The following RBFOX1 variants were observed in gnomAD, a reference collection of about 807,000 sequenced individuals.
The protein encoded by RBFOX1 is RNA binding protein fox-1 homolog 1.
Under a neutral mutation model 57.7 loss-of-function variants are expected in RBFOX1, and 8 were observed. The observed-to-expected ratio is 0.14, with a 90% CI of 0.08 to 0.25. The LOEUF is 0.25. Ranked by LOEUF, RBFOX1 falls within the 10% of genes least tolerant of loss-of-function variation. The pLI, the probability that RBFOX1 is intolerant of heterozygous loss-of-function variation, is 1.00. For synonymous variants in RBFOX1, 326 were observed against 222.4 expected, an observed-to-expected ratio of 1.47 and a Z score of -4.15; for missense variants, 611 against 548.5, an observed-to-expected ratio of 1.11 and a Z score of -1.14.
intron 3 of RBFOX1, among the ~76,000 whole-genome samples, chr16:6,780,073 T>TTATATATTTATTTATATTTA (rs1218081039): frequency 1.3e-4 from 1 of 7,754 alleles, no homozygotes. Flanking sequence ...TTATATATAT[T>TTATATATTTATTTATATTTA]TACATATTTA....
intron 11 of RBFOX1, among the ~76,000 whole-genome samples, chr16:7,649,734 T>G (rs1456629815): frequency 6.6e-6 from 1 of 152,180 alleles, no homozygotes; most frequent in South Asian, 2.1e-4. Context: ...TACCAGTTAC[T>G]CATCCTAACT....
chr16:7,040,162 A>T lies in RBFOX1; in HGVS notation c.-15-11895A>T, dbSNP rs1232679155. On this transcript the variant is annotated intron_variant, in intron 3 of 15. Coordinates refer to ENST00000550418, the MANE Select transcript of RBFOX1 (RefSeq NM_018723.4). Reference sequence around the variant, plus strand: ...CAGCCTCCCGAGTAGCTGGGACTACAGGTGCCCGCCACCATGCTAGCTAGT... The same window carrying T: ...CAGCCTCCCGAGTAGCTGGGACTACTGGTGCCCGCCACCATGCTAGCTAGT... 2.6e-5 allele frequency among the ~76,000 whole-genome samples: 4 copies of T among 152,132 alleles called. No individual in the cohort carries two copies. In the East Asian group the frequency reaches 7.8e-4, roughly 29 times the overall value.
At position 7,456,392 on chromosome 16, in the gene RBFOX1, A is replaced by G. The variant is rs150222474; in HGVS notation, c.28-61755A>G. 2.6e-5 allele frequency among the ~76,000 whole-genome samples: 4 copies of G among 152,206 alleles called. No homozygotes were observed. The East Asian group carries it at 7.7e-4, about 29-fold the overall frequency. The stretch of plus-strand genomic sequence containing the variant: ...AGTACATCTGCTATGTTGATATATC[A>G]CTTGTTTTATGGGCCGGGATTAATT... On this transcript the variant is annotated intron_variant, in intron 4 of 15. Coordinates refer to ENST00000550418, the MANE Select transcript of RBFOX1 (RefSeq NM_018723.4).
intron 4 of RBFOX1, among the ~76,000 whole-genome samples, chr16:7,515,161 A>G (rs569733481): frequency 1.2e-3 from 179 of 152,236 alleles, no homozygotes; most frequent in Non-Finnish European, 2.4e-3. Flanking sequence ...CATCACCCAT[A>G]GAGAAGTGGC....
intron 3 of RBFOX1, among the ~76,000 whole-genome samples, chr16:7,003,732 A>G (rs1044306287): frequency 2.0e-5 from 3 of 152,116 alleles, no homozygotes; most frequent in African/African-American, 7.2e-5. Context: ...TTAAGTTAGT[A>G]TGTATTAGAA....
intron 4 of RBFOX1, among the ~76,000 whole-genome samples, chr16:5,962,505 A>T (rs948881538): frequency 6.6e-6 from 1 of 152,026 alleles, no homozygotes. Context: ...TTCACTTCAC[A>T]TCATCCTCTC....
Position 6,935,308 on chromosome 16 carries a change from C to A in RBFOX1, c.-15-116749C>A, listed in dbSNP as rs114640211. ...GAGTGGTAGTTTCAGACGATCTCTC[C>A]AAGTCTTTGATAGTTTCCCTTCATA... On this transcript the variant is annotated intron_variant, in intron 3 of 15. Transcript: ENST00000550418. Among the ~76,000 whole-genome samples, 18 of 152,184 alleles carry A rather than the reference C, an allele frequency of 1.2e-4. No individual in the cohort carries two copies. The East Asian group carries it at 3.5e-3, about 29-fold the overall frequency.
At chr16:6,789,635 C>T (rs1445999675) in intron 3 of RBFOX1, among the ~76,000 whole-genome samples, 1 of 152,150 alleles carries the variant, frequency 6.6e-6, no homozygotes, top group Non-Finnish European at 1.5e-5. Context: ...GGCATTTTTA[C>T]ATTTGTGTGC....
At chr16:6,418,968 G>A (rs895322633) in intron 2 of RBFOX1, among the ~76,000 whole-genome samples, 2 of 152,148 alleles carry the variant, frequency 1.3e-5, no homozygotes, top group Admixed American at 6.5e-5. Flanking sequence ...TGGAAAAAGC[G>A]TATGTATGGG....
intron 4 of RBFOX1, among the ~76,000 whole-genome samples, chr16:7,253,756 T>TA (rs1183498704): frequency 6.6e-6 from 1 of 152,214 alleles, no homozygotes; most frequent in Non-Finnish European, 1.5e-5. Flanking sequence ...TCTCGTTACT[T>TA]ACCTTGCTGC....
chr16:7,500,802 C>G (rs1481830012), intron 4 of RBFOX1, among the ~76,000 whole-genome samples: 2 of 152,220 alleles, frequency 1.3e-5, no homozygotes, highest in South Asian at 2.1e-4. Context: ...TGTCCCCACT[C>G]AAATCTCATC....
At chr16:5,533,091 C>G (rs2044551681) in intron 2 of RBFOX1, among the ~76,000 whole-genome samples, 1 of 152,122 alleles carries the variant, frequency 6.6e-6, no homozygotes. Flanking sequence ...GAAAGTGCAG[C>G]AGAGGAAATC....
At chr16:6,746,692 A>AG (rs1375651578) in intron 3 of RBFOX1, among the ~76,000 whole-genome samples, 1 of 151,898 alleles carries the variant, frequency 6.6e-6, no homozygotes, top group East Asian at 1.9e-4. Flanking sequence ...AAAAAAAAAA[A>AG]GTGTTGTCTT....
chr16:6,693,050 A>G (rs1416992539), intron 3 of RBFOX1, among the ~76,000 whole-genome samples: 3 of 151,518 alleles, frequency 2.0e-5, no homozygotes, highest in African/African-American at 4.9e-5. Flanking sequence ...TACCATCACC[A>G]CCATCATTAT....
chr16:5,318,185 G>A (rs960655009), intron 1 of RBFOX1, among the ~76,000 whole-genome samples: 24 of 152,272 alleles, frequency 1.6e-4, no homozygotes, highest in African/African-American at 5.5e-4. Context: ...CTGGAGTGCA[G>A]TGACACGATC....
At chr16:6,988,597 G>A (rs977319520) in intron 3 of RBFOX1, among the ~76,000 whole-genome samples, 10 of 150,772 alleles carry the variant, frequency 6.6e-5, no homozygotes, top group Admixed American at 2.0e-4. Flanking sequence ...ATTTGGGACC[G>A]AGTCTTGCTC....
intron 1 of RBFOX1, among the ~76,000 whole-genome samples, chr16:6,210,340 A>AC (rs2097285720): frequency 1.2e-5 from 1 of 83,054 alleles, no homozygotes; most frequent in Non-Finnish European, 3.1e-5. Context: ...AAAAAAACAA[A>AC]AAAACAAAAA....
At chr16:5,367,772 A>G (rs2065759468) in intron 1 of RBFOX1, among the ~76,000 whole-genome samples, 1 of 152,134 alleles carries the variant, frequency 6.6e-6, no homozygotes, top group Non-Finnish European at 1.5e-5. Context: ...CGGAGGGGAG[A>G]TGCCTTGCCC....
chr16:6,348,909 G>A (rs963036738), intron 2 of RBFOX1, among the ~76,000 whole-genome samples: 3 of 152,140 alleles, frequency 2.0e-5, no homozygotes, highest in African/African-American at 4.8e-5. Flanking sequence ...CAGATTTCAG[G>A]TGTACTATGC....
Sources: gnomAD v4.1 joint callset for allele counts (sites outside exome capture counted in the v4.1 genomes callset) on GRCh38, gnomAD v4.1.1 for gene constraint, MANE v1.5 for transcripts, NCBI Gene and HGNC (gene_info 2026-07-23, HGNC 2026-07-21) for gene names.